The following POLDIP3 variants were observed in gnomAD, a reference collection of about 807,000 sequenced individuals.
POLDIP3 encodes the protein polymerase delta-interacting protein 3.
Under a neutral mutation model 45.1 loss-of-function variants are expected in POLDIP3, and 14 were observed. That is an observed-to-expected ratio of 0.31 (90% CI 0.20 to 0.49). The LOEUF is 0.49. POLDIP3 is among the 20% of genes least tolerant of loss of function. The probability of loss-of-function intolerance (pLI) is 0.99; values close to 1 mark genes in which losing one functional copy is unlikely to be tolerated. For synonymous variants in POLDIP3, 223 were observed against 205.2 expected (o/e 1.09, Z -0.74); for missense variants, 511 against 538.8 (o/e 0.95, Z 0.51).
At position 42,585,276 on chromosome 22, in the gene POLDIP3, C is replaced by T. The variant is rs1240668161; in HGVS notation, c.*515G>A. 1 of 515,444 alleles carries T rather than the reference C, an allele frequency of 1.9e-6. No homozygotes were observed. The highest frequency in any genetic ancestry group is 2.0e-5 in the Admixed American group (1 of 51,150). 31.9% of individuals were successfully genotyped at this position (515,444 alleles called of 1,614,324 possible). On this transcript the variant is annotated 3_prime_UTR_variant, in exon 9 of 9. Coordinates refer to ENST00000252115, the MANE Select transcript of POLDIP3 (RefSeq NM_032311.5). ...AGACCTGCTCCCCACCCAGGCACCT[C>T]CACTGACAAGACAGAGGAGCGGCAC... is the stretch of plus-strand genomic sequence containing the variant.
At chr22:42,605,894 C>G (rs944748713) in intron 1 of POLDIP3, among the ~76,000 whole-genome samples, 22 of 152,312 alleles carry the variant, frequency 1.4e-4, no homozygotes, top group Admixed American at 4.6e-4. Context: ...GTAATCCCAG[C>G]ACTTTGGGAG....
At position 42,585,374 on chromosome 22, in the gene POLDIP3, T is replaced by C; in HGVS notation, c.*417A>G. 2.4e-6 allele frequency: 1 copy of C among 411,340 alleles called. No homozygotes were observed. Among genetic ancestry groups the C allele is most frequent in the South Asian group, 1.7e-5 (1 of 58,718 alleles). The allele number at this position is 411,340 out of a possible 1,614,324, so 25.5% of individuals were successfully genotyped here. ...CCCCTCCATTGTTTGAAAAGCTTAA[T>C]ACACACAAAGGAAAGGCAGCCCCTC... On this transcript the variant is annotated 3_prime_UTR_variant, in exon 9 of 9. Transcript: ENST00000252115.
In POLDIP3 at chr22:42,585,022, A is replaced by G. The variant is rs1375148784; in HGVS notation, c.*769T>C. 2.2e-6 allele frequency: 1 copy of G among 456,250 alleles called. No individual in the cohort carries two copies. The highest frequency in any genetic ancestry group is 1.5e-5 in the South Asian group (1 of 64,556). The allele number at this position is 456,250 out of a possible 1,614,324, so 28.3% of individuals were successfully genotyped here. Reference sequence around the variant, plus strand: ...GAGGTGAGAACCGGGAGGGCTCACAACACAGCCCCCTCCCAGCAAAGACAC... The same window carrying G: ...GAGGTGAGAACCGGGAGGGCTCACAGCACAGCCCCCTCCCAGCAAAGACAC... On this transcript the variant is annotated 3_prime_UTR_variant, in exon 9 of 9. Transcript: ENST00000252115.
chr22:42,585,174 C>A lies in POLDIP3; in HGVS notation c.*617G>T. The A allele has an allele frequency of 2.1e-6, 1 of 477,090 alleles. No individual in the cohort carries two copies. The highest frequency in any genetic ancestry group is 4.2e-6 in the Non-Finnish European group (1 of 239,368). 29.6% of individuals were successfully genotyped at this position (477,090 alleles called of 1,614,324 possible). A position where few individuals can be genotyped will look rare whatever the true frequency, so the allele number is the denominator to read the frequency against. On this transcript the variant is annotated 3_prime_UTR_variant, in exon 9 of 9. Coordinates refer to ENST00000252115, the MANE Select transcript of POLDIP3 (RefSeq NM_032311.5). ...TCCAAGCCAAGAGCTTAGATAGACT[C>A]TTCCCAGCGGTGCAGCCTCATCCTG...
At chr22:42,611,914 G>T (rs751232855) in intron 1 of POLDIP3, among the ~76,000 whole-genome samples, 2 of 152,140 alleles carry the variant, frequency 1.3e-5, no homozygotes, top group African/African-American at 2.4e-5. Flanking sequence ...TAAACTTACT[G>T]CAGGAAATGA....
At chr22:42,599,878 G>C in intron 3 of POLDIP3, 85 bp from the exon 4 acceptor site, 1 of 995,022 alleles carries the variant, frequency 1.0e-6, no homozygotes, top group Non-Finnish European at 1.5e-6. Flanking sequence ...CAAGGAAATG[G>C]CTGCTGGAGA....
chr22:42,601,466 A>G (rs1386728340), intron 3 of POLDIP3, among the ~76,000 whole-genome samples: 4 of 151,534 alleles, frequency 2.6e-5, no homozygotes, highest in African/African-American at 9.7e-5. Context: ...TTCCTCTATT[A>G]AGAAGTTTCT....
At chr22:42,614,719 C>G in intron 1 of POLDIP3, 80 bp downstream of exon 1, 1 of 1,507,460 alleles carries the variant, frequency 6.6e-7, no homozygotes, top group Non-Finnish European at 9.2e-7. Context: ...CTCCGCGTCG[C>G]TCCCGGATCG....
At chr22:42,587,373 G>T in intron 8 of POLDIP3, 133 bp downstream of exon 8, 1 of 932,502 alleles carries the variant, frequency 1.1e-6, no homozygotes, top group Non-Finnish European at 1.7e-6. Context: ...CATATGAAAC[G>T]GCCAGCTGCC....
chr22:42,601,342 G>A (rs1239519881), intron 3 of POLDIP3, among the ~76,000 whole-genome samples: 6 of 144,478 alleles, frequency 4.2e-5, no homozygotes, highest in African/African-American at 1.0e-4. Flanking sequence ...GCGAGACCCC[G>A]TTCTCCAGAA....
intron 6 of POLDIP3, among the ~76,000 whole-genome samples, 165 bp from the exon 7 acceptor site, chr22:42,592,249 A>G (rs958923004): frequency 1.3e-5 from 2 of 152,244 alleles, no homozygotes; most frequent in Admixed American, 6.5e-5. Context: ...AGACATCCAC[A>G]GGCTTCAACA....
Position 42,610,428 on chromosome 22 carries a change from G to A in POLDIP3, c.59+4371C>T, listed in dbSNP as rs145347078. Among the ~76,000 whole-genome samples, 443 of 152,180 alleles carry A rather than the reference G, an allele frequency of 2.9e-3. 5 individuals carry two copies. The highest frequency in any genetic ancestry group is 4.2e-3 in the Non-Finnish European group (287 of 68,012). ...ACAACCTCCCACTTCCAGCTCCAAGGACTCCCCAGATGAGGCGTCTGGCCC... is the reference window on the plus strand; with the variant it reads ...ACAACCTCCCACTTCCAGCTCCAAGAACTCCCCAGATGAGGCGTCTGGCCC... On this transcript the variant is annotated intron_variant, in intron 1 of 8. Coordinates refer to ENST00000252115, the MANE Select transcript of POLDIP3 (RefSeq NM_032311.5).
At chr22:42,603,293 A>ATGCCTAC in intron 1 of POLDIP3, 133 bp from the exon 2 acceptor site, 1 of 898,048 alleles carries the variant, frequency 1.1e-6, no homozygotes, top group Non-Finnish European at 1.7e-6. Context: ...CCTGTGATTG[A>ATGCCTAC]ATAAACGATT....
chr22:42,601,873 C>G, intron 3 of POLDIP3, 97 bp downstream of exon 3: 1 of 1,405,648 alleles, frequency 7.1e-7, no homozygotes, highest in Non-Finnish European at 9.7e-7. Context: ...AAGCCTCAGT[C>G]CATCCACCCA....
At chr22:42,614,600 C>T (rs987624075) in intron 1 of POLDIP3, among the ~76,000 whole-genome samples, 199 bp downstream of exon 1, 4 of 152,072 alleles carry the variant, frequency 2.6e-5, no homozygotes, top group Non-Finnish European at 5.9e-5. Flanking sequence ...CCAGGGCCGC[C>T]AGAGGGACTG....
At chr22:42,587,409 G>C in intron 8 of POLDIP3, 97 bp downstream of exon 8, 1 of 1,229,684 alleles carries the variant, frequency 8.1e-7, no homozygotes, top group Middle Eastern at 2.7e-4. Context: ...ACGGAATGGG[G>C]GGATGAAGGG....
intron 1 of POLDIP3, among the ~76,000 whole-genome samples, chr22:42,606,707 C>T: frequency 6.6e-6 from 1 of 152,202 alleles, no homozygotes; most frequent in African/African-American, 2.4e-5. Flanking sequence ...TCACTACAGC[C>T]TTGACCTCCT....
intron 1 of POLDIP3, among the ~76,000 whole-genome samples, chr22:42,614,257 T>G (rs1355889064): frequency 2.0e-5 from 3 of 152,124 alleles, no homozygotes. Flanking sequence ...AAATGAGGCA[T>G]CGTGTATATG....
chr22:42,599,302 G>A (rs1926196418), intron 4 of POLDIP3, among the ~76,000 whole-genome samples: 2 of 152,200 alleles, frequency 1.3e-5, no homozygotes, highest in Admixed American at 1.3e-4. Flanking sequence ...AAATATTTCT[G>A]CATTGAAAGG....
Sources: gnomAD v4.1 joint callset for allele counts (sites outside exome capture counted in the v4.1 genomes callset) on GRCh38, gnomAD v4.1.1 for gene constraint, MANE v1.5 for transcripts, NCBI Gene and HGNC (gene_info 2026-07-23, HGNC 2026-07-21) for gene names.